OSBPL1A: variants seen among roughly 807,000 people sequenced by gnomAD.
The protein encoded by OSBPL1A is oxysterol binding protein like 1A.
In OSBPL1A, 80 loss-of-function variants were observed where a neutral mutation model predicts 137.1. The ratio of observed to expected loss-of-function variants is 0.58; its 90% CI spans 0.49 to 0.70. OSBPL1A has a LOEUF of 0.70. OSBPL1A is among the 30% of genes least tolerant of loss of function. The pLI is 0.00. For synonymous variants in OSBPL1A, 365 were observed against 389.7 expected (o/e 0.94, Z 0.75); for missense variants, 970 against 1,129.4 (o/e 0.86, Z 2.02).
At chr18:24,262,819 C>CT (rs1224433047) in intron 15 of OSBPL1A, among the ~76,000 whole-genome samples, 1 of 145,998 alleles carries the variant, frequency 6.8e-6, no homozygotes, top group African/African-American at 2.7e-5. Context: ...ACTGCTCTGA[C>CT]TTCAATAACC....
At chr18:24,197,303 C>T (rs539084782) in intron 17 of OSBPL1A, among the ~76,000 whole-genome samples, 4 of 152,048 alleles carry the variant, frequency 2.6e-5, no homozygotes, top group East Asian at 1.9e-4. Context: ...GCCGAGGTCA[C>T]GCCATTGCAC....
At chr18:24,382,721 A>G (rs1339959025) in intron 1 of OSBPL1A, among the ~76,000 whole-genome samples, 3 of 151,740 alleles carry the variant, frequency 2.0e-5, no homozygotes, top group Admixed American at 6.6e-5. Context: ...ACAAAAATAC[A>G]AAAATTAAGC....
Position 24,178,523 on chromosome 18 carries a change from C to T in OSBPL1A, c.1911-328G>A, listed in dbSNP as rs559975653. On this transcript the variant is annotated intron_variant, in intron 20 of 27. Transcript: ENST00000319481. ...GGCCAGGTTGGTTTCGAACTCCTGA[C>T]CTCGTGATCAACCCACCTCAGCCTC... Among the ~76,000 whole-genome samples the T allele has an allele frequency of 5.9e-5, 9 of 152,224 alleles. No individual in the cohort carries two copies. In the South Asian group the frequency reaches 1.9e-3, roughly 32 times the overall value.
chr18:24,287,031 A>G (rs1027231083), intron 14 of OSBPL1A, among the ~76,000 whole-genome samples: 2 of 152,254 alleles, frequency 1.3e-5, no homozygotes, highest in Non-Finnish European at 2.9e-5. Flanking sequence ...AATGAATTAC[A>G]TTTAAAAATT....
At chr18:24,377,258 G>T (rs538402632) in intron 2 of OSBPL1A, among the ~76,000 whole-genome samples, 155 bp downstream of exon 2, 1 of 152,310 alleles carries the variant, frequency 6.6e-6, no homozygotes, top group African/African-American at 2.4e-5. Context: ...GACTCAGAGG[G>T]GGCTAGGAGA....
intron 1 of OSBPL1A, among the ~76,000 whole-genome samples, chr18:24,393,863 G>A (rs1325474664): frequency 6.6e-6 from 1 of 152,198 alleles, no homozygotes; most frequent in Admixed American, 6.5e-5. Flanking sequence ...TATGTTTTGA[G>A]TGCCTCATTT....
At chr18:24,385,795 C>T (rs552475666) in intron 1 of OSBPL1A, among the ~76,000 whole-genome samples, 1 of 152,276 alleles carries the variant, frequency 6.6e-6, no homozygotes, top group East Asian at 1.9e-4. Flanking sequence ...GAGACTGCAC[C>T]AGACTCCTTT....
rs566463565 is a variant in OSBPL1A at position 24,296,481 on chromosome 18, A to G, written c.1174+7156T>C. On this transcript the variant is annotated intron_variant, in intron 14 of 27. Transcript: ENST00000319481. ...TAGTTTGACTTCCTCTTTTCCACAT[A>G]GATGCCCTTTATTTCTTTCTCTTAA... Among the ~76,000 whole-genome samples the G allele has an allele frequency of 1.6e-3, 239 of 152,206 alleles. 1 individual carries two copies. Among genetic ancestry groups the G allele is most frequent in the Middle Eastern group, 3.4e-3 (1 of 294 alleles).
At chr18:24,172,059 G>T (rs866521969) in intron 22 of OSBPL1A, among the ~76,000 whole-genome samples, 2 of 151,394 alleles carry the variant, frequency 1.3e-5, no homozygotes, top group African/African-American at 4.9e-5. Context: ...TCCTGCCTCA[G>T]CCTCCTGAGT....
Position 24,225,104 on chromosome 18 carries a change from T to C in OSBPL1A, c.1539A>G (p.Arg513=), listed in dbSNP as rs774004154. The C allele has an allele frequency of 1.2e-6, 2 of 1,614,176 alleles. No homozygotes were observed. The highest frequency in any genetic ancestry group is 8.5e-7 in the Non-Finnish European group (1 of 1,180,028). ...CACCACAGTCTTTTTCTTCGGACAT[T>C]CTGTGTTTTCTACTGCCCAAATGCT... The part of the protein sequence containing the change: ...EGEHLGSRKH[R]MSEEKDCGGG... The change falls in exon 17 of 28, where the codon AGA becomes AGG. Residue 513 remains arginine, a synonymous_variant. Transcript: ENST00000319481.
At chr18:24,241,706 A>G (rs560499968) in intron 15 of OSBPL1A, among the ~76,000 whole-genome samples, 76 of 152,338 alleles carry the variant, frequency 5.0e-4, no homozygotes, top group African/African-American at 1.8e-3. Flanking sequence ...ACCATTGTGG[A>G]AGACAGTGTG....
intron 18 of OSBPL1A, among the ~76,000 whole-genome samples, chr18:24,182,270 A>G (rs979371265): frequency 2.0e-5 from 3 of 152,224 alleles, no homozygotes; most frequent in Non-Finnish European, 2.9e-5. Context: ...TCTGACCTCA[A>G]CTGCAACTGT....
chr18:24,258,984 C>A (rs528682667), intron 15 of OSBPL1A, among the ~76,000 whole-genome samples: 4 of 129,382 alleles, frequency 3.1e-5, no homozygotes, highest in Admixed American at 9.1e-5. Flanking sequence ...TGTCGCCAGG[C>A]TGGAGTGCAG....
At chr18:24,332,572 CA>C (rs34897629) in intron 7 of OSBPL1A, among the ~76,000 whole-genome samples, 55,192 of 108,316 alleles carry the variant, frequency 0.51, 12,287 homozygotes, top group African/African-American at 0.7. Flanking sequence ...ATAGAAACAG[CA>C]AAAAAAAAAA....
chr18:24,362,617 G>A (rs938849393), intron 4 of OSBPL1A, among the ~76,000 whole-genome samples: 2 of 152,122 alleles, frequency 1.3e-5, no homozygotes, highest in African/African-American at 2.4e-5. Flanking sequence ...ACGTGCTTAC[G>A]AAATAACCTT....
At chr18:24,315,818 A>T (rs866645910) in intron 11 of OSBPL1A, among the ~76,000 whole-genome samples, 1 of 53,910 alleles carries the variant, frequency 1.9e-5, no homozygotes, top group African/African-American at 1.1e-4. Flanking sequence ...ATATAATAAA[A>T]TATATAATAT....
chr18:24,239,043 C>A (rs528562490), intron 16 of OSBPL1A, among the ~76,000 whole-genome samples, 177 bp downstream of exon 16: 4 of 152,248 alleles, frequency 2.6e-5, no homozygotes, highest in African/African-American at 9.6e-5. Flanking sequence ...CAGACACCAG[C>A]CTTAATAACA....
chr18:24,388,995 T>C lies in OSBPL1A; in HGVS notation c.-3+8660A>G, dbSNP rs1907137510. Among the ~76,000 whole-genome samples the C allele has an allele frequency of 2.0e-5, 3 of 152,176 alleles. No homozygotes were observed. In the South Asian group the frequency reaches 6.2e-4, roughly 31 times the overall value. On this transcript the variant is annotated intron_variant, in intron 1 of 27. Transcript: ENST00000319481. ...TCAAGATTGATTTTTTAAGGAATCA[T>C]CTAAATTCATATGTTGAACAGATTT... is the stretch of plus-strand genomic sequence containing the variant.
At chr18:24,272,255 CTTTTT>C in intron 15 of OSBPL1A, 2 of 948,250 alleles carry the variant, frequency 2.1e-6, no homozygotes, top group African/African-American at 1.9e-5. Context: ...TTTCTTTTTT[CTTTTT>C]TTTTTTTTTT....
Sources: gnomAD v4.1 joint callset for allele counts (sites outside exome capture counted in the v4.1 genomes callset) on GRCh38, gnomAD v4.1.1 for gene constraint, MANE v1.5 for transcripts, NCBI Gene and HGNC (gene_info 2026-07-23, HGNC 2026-07-21) for gene names.